Variants in EPHB2 observed in about 807,000 individuals in gnomAD.
EPHB2 encodes the protein ephrin type-B receptor 2.
EPHB2 carries 18 observed loss-of-function variants against 96.4 expected under a neutral mutation model. The ratio of observed to expected loss-of-function variants is 0.19; its 90% CI spans 0.13 to 0.28. The LOEUF (loss-of-function observed/expected upper bound fraction) is 0.28, where lower values mean the gene tolerates loss of function less well. Ranked by LOEUF, EPHB2 falls within the 10% of genes least tolerant of loss-of-function variation. The probability of loss-of-function intolerance (pLI) is 1.00; values close to 1 mark genes in which losing one functional copy is unlikely to be tolerated. For synonymous variants in EPHB2, 506 were observed against 534.1 expected, an observed-to-expected ratio of 0.95 and a Z score of 0.72; for missense variants, 989 against 1,355.4, an observed-to-expected ratio of 0.73 and a Z score of 4.25.
intron 3 of EPHB2, among the ~76,000 whole-genome samples, chr1:22,830,498 C>T (rs1645289322): frequency 6.6e-6 from 1 of 152,208 alleles, no homozygotes; most frequent in Admixed American, 6.5e-5. Context: ...ACAGCAGAAC[C>T]TCCCTCACAG....
At chr1:22,847,119 A>G (rs978148887) in intron 3 of EPHB2, among the ~76,000 whole-genome samples, 81 of 152,370 alleles carry the variant, frequency 5.3e-4, no homozygotes, top group African/African-American at 1.9e-3. Flanking sequence ...ATGTGGGAAT[A>G]TCAATAGTAC....
intron 1 of EPHB2, among the ~76,000 whole-genome samples, chr1:22,720,833 GC>G (rs1643446758): frequency 6.6e-6 from 1 of 152,140 alleles, no homozygotes; most frequent in Non-Finnish European, 1.5e-5. Context: ...AAAAATGGCA[GC>G]CTGGAGTTGT....
At chr1:22,907,044 G>T in intron 11 of EPHB2, 87 bp downstream of exon 11, 5 of 1,480,468 alleles carry the variant, frequency 3.4e-6, no homozygotes. Context: ...GAGCCTGAAG[G>T]GGTCTTGGAA....
At chr1:22,740,603 C>T in intron 1 of EPHB2, among the ~76,000 whole-genome samples, 1 of 152,206 alleles carries the variant, frequency 6.6e-6, no homozygotes, top group East Asian at 1.9e-4. Flanking sequence ...CCATGCCAGG[C>T]AAGACCCACT....
intron 3 of EPHB2, among the ~76,000 whole-genome samples, chr1:22,852,201 A>G (rs1397445893): frequency 6.6e-6 from 1 of 152,236 alleles, no homozygotes; most frequent in Non-Finnish European, 1.5e-5. Context: ...CTACAGAGAA[A>G]GAGCCATTGA....
In EPHB2 at chr1:22,871,884, C is replaced by T. The variant is rs190632775; in HGVS notation, c.1303+6672C>T. On this transcript the variant is annotated intron_variant, in intron 5 of 15. Transcript: ENST00000374630. ...TACAAAAATTAGCTGGGCATGGTGG[C>T]GCACACCTGTCATCCCAGCTACTCA... Among the ~76,000 whole-genome samples, 196 of 152,160 alleles carry T rather than the reference C, an allele frequency of 1.3e-3. 1 individual carries two copies. The highest frequency in any genetic ancestry group is 4.4e-3 in the African/African-American group (182 of 41,508).
chr1:22,805,017 T>G (rs1228522172), intron 3 of EPHB2, among the ~76,000 whole-genome samples: 4 of 151,972 alleles, frequency 2.6e-5, no homozygotes, highest in Non-Finnish European at 5.9e-5. Flanking sequence ...CCCAGACACA[T>G]TGGGGTCAGG....
chr1:22,718,643 C>T (rs1271919548), intron 1 of EPHB2, among the ~76,000 whole-genome samples: 1 of 152,116 alleles, frequency 6.6e-6, no homozygotes, highest in African/African-American at 2.4e-5. Flanking sequence ...CTGCCTCGGC[C>T]TCCCAAAGTG....
At chr1:22,849,835 C>T (rs1557711366) in intron 3 of EPHB2, among the ~76,000 whole-genome samples, 3 of 152,218 alleles carry the variant, frequency 2.0e-5, no homozygotes, top group Non-Finnish European at 4.4e-5. Flanking sequence ...AAAAACTGCC[C>T]TGCACAGGCC....
chr1:22,831,376 G>A (rs1468173506), intron 3 of EPHB2, among the ~76,000 whole-genome samples: 1 of 152,068 alleles, frequency 6.6e-6, no homozygotes, highest in East Asian at 1.9e-4. Flanking sequence ...GAAAGTGAAA[G>A]CATTTTGCAC....
chr1:22,818,923 G>A (rs373199373), intron 3 of EPHB2, among the ~76,000 whole-genome samples: 17 of 147,240 alleles, frequency 1.2e-4, no homozygotes, highest in South Asian at 2.2e-4. Flanking sequence ...CAGAGTCCCC[G>A]CCCCCAGGCT....
Position 22,875,250 on chromosome 1 carries a change from G to A in EPHB2, c.1304-7109G>A, listed in dbSNP as rs976627516. Among the ~76,000 whole-genome samples the A allele has an allele frequency of 5.3e-5, 8 of 152,182 alleles. No individual in the cohort carries two copies. The East Asian group carries it at 1.2e-3, about 22-fold the overall frequency. ...CATCGGGGGTTAACTGCGTTGCTAC[G>A]GGTTTAAGGGACAAACACTCAAAAA... On this transcript the variant is annotated intron_variant, in intron 5 of 15. Transcript: ENST00000374630. This position sits in a 1 kb window ranked among gnomAD's most constrained non-coding sequence, Gnocchi z 4.2.
intron 4 of EPHB2, 46 bp downstream of exon 4, chr1:22,863,238 G>C (rs1638339820): frequency 1.2e-6 from 2 of 1,613,362 alleles, no homozygotes; most frequent in East Asian, 4.5e-5. Flanking sequence ...CGAGTCCCAG[G>C]TCTACCTGCA....
intron 1 of EPHB2, among the ~76,000 whole-genome samples, chr1:22,726,467 C>G (rs978181516): frequency 1.3e-5 from 2 of 151,506 alleles, no homozygotes; most frequent in Non-Finnish European, 1.5e-5. Context: ...GTCACCCAGG[C>G]TGGAGTGCAG....
intron 5 of EPHB2, among the ~76,000 whole-genome samples, chr1:22,870,015 G>A (rs934434599): frequency 6.6e-6 from 1 of 152,188 alleles, no homozygotes; most frequent in Non-Finnish European, 1.5e-5. Flanking sequence ...GGGGTGAGGT[G>A]GGGTGTGGAG....
chr1:22,864,801 A>G (rs891883066), intron 4 of EPHB2, 76 bp from the exon 5 acceptor site: 11 of 922,562 alleles, frequency 1.2e-5, no homozygotes, highest in Non-Finnish European at 1.8e-5. Context: ...GAGCCAGAGC[A>G]GCGGGCACAG....
chr1:22,759,242 C>T (rs913852196), intron 1 of EPHB2, among the ~76,000 whole-genome samples: 1 of 152,124 alleles, frequency 6.6e-6, no homozygotes, highest in African/African-American at 2.4e-5. Flanking sequence ...GAGCAAAACC[C>T]TTGGCCTCAC....
At chr1:22,852,659 A>C (rs999360096) in intron 3 of EPHB2, among the ~76,000 whole-genome samples, 3 of 152,196 alleles carry the variant, frequency 2.0e-5, no homozygotes, top group Non-Finnish European at 2.9e-5. Context: ...CAGCCTTTAC[A>C]GACTGTGGGG....
chr1:22,830,948 G>C (rs1645295332), intron 3 of EPHB2, among the ~76,000 whole-genome samples: 1 of 152,200 alleles, frequency 6.6e-6, no homozygotes, highest in Admixed American at 6.5e-5. Context: ...GAGGCTCCAA[G>C]AACGACAGCA....
Sources: allele counts gnomAD v4.1 joint callset (sites outside exome capture counted in the v4.1 genomes callset), GRCh38; gene constraint gnomAD v4.1.1; non-coding constraint Gnocchi (gnomAD v3.1); transcripts MANE v1.5; gene names NCBI Gene and HGNC (gene_info 2026-07-23, HGNC 2026-07-21).